The following WNT9B variants were observed in gnomAD, a reference collection of about 807,000 sequenced individuals.
WNT9B encodes protein Wnt-9b.
WNT9B carries 12 observed loss-of-function variants against 30.2 expected under a neutral mutation model. The ratio of observed to expected loss-of-function variants is 0.40; its 90% CI spans 0.26 to 0.64. The LOEUF is 0.64. WNT9B is among the 30% of genes least tolerant of loss of function. The pLI, the probability that WNT9B is intolerant of heterozygous loss-of-function variation, is 0.42. For synonymous variants in WNT9B, 218 were observed against 216.9 expected (o/e 1.01, Z -0.05); for missense variants, 442 against 485.2 (o/e 0.91, Z 0.84).
chr17:46,876,895 G>A lies in WNT9B; in HGVS notation c.*177G>A, dbSNP rs895593552. 64 of 1,378,946 alleles carry A rather than the reference G, an allele frequency of 4.6e-5. No homozygotes were observed. Among genetic ancestry groups the A allele is most frequent in the Non-Finnish European group, 5.8e-5 (62 of 1,064,750 alleles). 85.4% of individuals were successfully genotyped at this position (1,378,946 alleles called of 1,614,324 possible). A position where few individuals can be genotyped will look rare whatever the true frequency, so the allele number is the denominator to read the frequency against. Reference sequence around the variant, plus strand: ...CCTTGGCCAGCCTTTTGCCTCCCTCGATACTCAACAAAGAGAAGCAAAGCC... The same window carrying A: ...CCTTGGCCAGCCTTTTGCCTCCCTCAATACTCAACAAAGAGAAGCAAAGCC... On this transcript the variant is annotated 3_prime_UTR_variant, in exon 4 of 4. Transcript: ENST00000290015.
intron 2 of WNT9B, among the ~76,000 whole-genome samples, chr17:46,873,916 G>A (rs944036660): frequency 6.6e-6 from 1 of 151,638 alleles, no homozygotes; most frequent in African/African-American, 2.4e-5. Context: ...TTGAACCCGG[G>A]AGGTGGAGGT....
In WNT9B at chr17:46,873,295, T is replaced by A. The variant is rs374398180; in HGVS notation, c.334+522T>A. 1.7e-3 allele frequency among the ~76,000 whole-genome samples: 260 copies of A among 151,722 alleles called. 2 individuals carry two copies. The highest frequency in any genetic ancestry group is 6.1e-3 in the African/African-American group (251 of 41,370). ...CCCTTCCACTCCCATTCTACCTCCC[T>A]CCCCACTCCACCCACCCACTAAGCA... is the stretch of plus-strand genomic sequence containing the variant. On this transcript the variant is annotated intron_variant, in intron 2 of 3. Coordinates refer to ENST00000290015, the MANE Select transcript of WNT9B (RefSeq NM_003396.3).
intron 1 of WNT9B, among the ~76,000 whole-genome samples, chr17:46,853,591 C>T (rs899182247): frequency 4.6e-5 from 7 of 151,974 alleles, no homozygotes; most frequent in Admixed American, 1.3e-4. Context: ...AGGCTGGTCT[C>T]GAACTCCTGA....
chr17:46,846,030 C>A (rs2084772636), intron 1 of WNT9B, among the ~76,000 whole-genome samples: 1 of 151,896 alleles, frequency 6.6e-6, no homozygotes, highest in African/African-American at 2.4e-5. Flanking sequence ...ATCTCAGGTG[C>A]TCCACCCACT....
At chr17:46,866,659 G>A (rs188689473) in intron 1 of WNT9B, among the ~76,000 whole-genome samples, 34 of 152,156 alleles carry the variant, frequency 2.2e-4, no homozygotes, top group Non-Finnish European at 4.0e-4. Flanking sequence ...AGGCTTTCCC[G>A]GTTCCCAGGC....
chr17:46,884,986 A>G (rs2085471220), downstream of WNT9B: 1 of 426,480 alleles, frequency 2.3e-6, no homozygotes, highest in East Asian at 7.7e-5. Flanking sequence ...CCTCTTTTAT[A>G]TTTCCTTAGC....
chr17:46,882,985 A>AT (rs968606346), downstream of WNT9B, among the ~76,000 whole-genome samples: 75 of 144,674 alleles, frequency 5.2e-4, no homozygotes, highest in South Asian at 1.3e-3. Context: ...CATGATCCCC[A>AT]TTTTTTTTTT....
chr17:46,849,861 G>T (rs9913714), upstream of WNT9B, among the ~76,000 whole-genome samples: 66,714 of 146,552 alleles, frequency 0.46, 19,100 homozygotes, highest in East Asian at 0.88. Context: ...TTTTTTTTTT[G>T]TTTTGAGATG....
intron 1 of WNT9B, among the ~76,000 whole-genome samples, chr17:46,840,687 CG>C (rs2084702781): frequency 6.6e-6 from 1 of 152,158 alleles, no homozygotes; most frequent in African/African-American, 2.4e-5. Flanking sequence ...TTTTAATGGT[CG>C]CCATTCTAAC....
rs1207116576 is a variant in WNT9B, at chr17:46,877,637, G to A, written c.*919G>A. Among the ~76,000 whole-genome samples the A allele has an allele frequency of 6.6e-6, 1 of 152,218 alleles. No individual in the cohort carries two copies. The highest frequency in any genetic ancestry group is 6.5e-5 in the Admixed American group (1 of 15,292). Reference sequence around the variant, plus strand: ...GCTTCCTGGTGCCTGGCAGTGACGTGGCGAGCTCAGTTTCTCAGCTGGCTC... The same window carrying A: ...GCTTCCTGGTGCCTGGCAGTGACGTAGCGAGCTCAGTTTCTCAGCTGGCTC... On this transcript the variant is annotated 3_prime_UTR_variant, in exon 4 of 4. Coordinates refer to ENST00000290015, the MANE Select transcript of WNT9B (RefSeq NM_003396.3).
intron 1 of WNT9B, among the ~76,000 whole-genome samples, chr17:46,834,300 G>A (rs1400814687): frequency 1.2e-4 from 19 of 152,200 alleles, no homozygotes; most frequent in Admixed American, 1.2e-3. Context: ...TGGTGTCCTG[G>A]GCAGTGGCTG....
intron 1 of WNT9B, among the ~76,000 whole-genome samples, chr17:46,844,305 CTTTT>C (rs34889221): frequency 1.6e-5 from 2 of 127,416 alleles, no homozygotes; most frequent in Non-Finnish European, 3.3e-5. Flanking sequence ...AGTTAGCCAC[CTTTT>C]TTTTTTTTTT....
In WNT9B at chr17:46,840,000, C is replaced by CTTCTTTCT. The variant is rs71138556; in HGVS notation, c.95+6587_95+6594dup. On this transcript the variant is annotated intron_variant, in intron 1 of 2. Coordinates refer to the WNT9B transcript ENST00000575372. The stretch of plus-strand genomic sequence containing the variant: ...TCTCTTCTTTCTTTCTTTTTTCTTT[C>CTTCTTTCT]TTCTTTCTTTCTTTCTTTCTTTCTT... 4.8e-3 allele frequency among the ~76,000 whole-genome samples: 596 copies of CTTCTTTCT among 125,080 alleles called. 16 individuals carry two copies. The highest frequency in any genetic ancestry group is 0.018 in the African/African-American group (560 of 30,562). 82.1% of individuals were successfully genotyped at this position (125,080 alleles called of 152,430 possible).
upstream of WNT9B, chr17:46,851,524 C>G (rs924834270): frequency 1.1e-4 from 51 of 480,144 alleles, 1 homozygote; most frequent in South Asian, 1.4e-3. This position sits in a 1 kb window ranked among gnomAD's most constrained non-coding sequence, Gnocchi z 4.3. Context: ...CTCCTCCTTT[C>G]CCAGCGCCGC....
chr17:46,872,754 G>A lies in WNT9B; in HGVS notation c.315G>A (p.Arg105=). ...HERWNCSLEG[R]MGLLKRGFKE... is the part of the protein sequence containing the mutation. The stretch of plus-strand genomic sequence containing the variant: ...GCTGGAACTGTAGCCTGGAGGGCAG[G>A]ATGGGCCTGCTCAAGAGAGGTGGGG... The change falls in exon 2 of 4, where the codon AGG becomes AGA. Residue 105 remains arginine (R), a synonymous_variant. Coordinates refer to ENST00000290015, the MANE Select transcript of WNT9B (RefSeq NM_003396.3). 6.3e-7 allele frequency: 1 copy of A among 1,581,904 alleles called. No homozygotes were observed. Among genetic ancestry groups the A allele is most frequent in the Middle Eastern group, 2.0e-4 (1 of 5,096 alleles).
At chr17:46,870,600 T>C (rs938578079) in intron 1 of WNT9B, among the ~76,000 whole-genome samples, 2 of 152,188 alleles carry the variant, frequency 1.3e-5, no homozygotes. Context: ...TGACTGCACC[T>C]GATGGGTGTG....
chr17:46,853,758 G>A (rs1034916756), intron 1 of WNT9B, among the ~76,000 whole-genome samples: 6 of 152,018 alleles, frequency 3.9e-5, no homozygotes, highest in African/African-American at 1.5e-4. Flanking sequence ...TGGGACAAAT[G>A]GTACCTATAT....
upstream of WNT9B, among the ~76,000 whole-genome samples, chr17:46,849,561 C>T (rs151151820): frequency 1.3e-5 from 2 of 152,314 alleles, no homozygotes; most frequent in Admixed American, 6.5e-5. Context: ...CTTCTGTGAT[C>T]GTGGTTCAAA....
chr17:46,872,932 G>A (rs2085276484), intron 2 of WNT9B, among the ~76,000 whole-genome samples, 159 bp downstream of exon 2: 1 of 152,140 alleles, frequency 6.6e-6, no homozygotes, highest in South Asian at 2.1e-4. Flanking sequence ...AGTCACAAGA[G>A]TTAATGAGGG....
Sources: gnomAD v4.1 joint callset for allele counts (sites outside exome capture counted in the v4.1 genomes callset) on GRCh38, gnomAD v4.1.1 for gene constraint, Gnocchi (gnomAD v3.1) non-coding constraint, MANE v1.5 for transcripts, NCBI Gene and HGNC (gene_info 2026-07-23, HGNC 2026-07-21) for gene names.